The following GALNT14 variants were observed in gnomAD, a reference collection of about 807,000 sequenced individuals.
GALNT14 encodes the protein polypeptide N-acetylgalactosaminyltransferase 14, also known as UDP-GalNAc:polypeptide N-acetylgalactosaminyltransferase 14.
Under a neutral mutation model 77.5 loss-of-function variants are expected in GALNT14, and 60 were observed. The observed-to-expected ratio is 0.77, with a 90% confidence interval of 0.63 to 0.96. GALNT14 has a LOEUF of 0.96. GALNT14 is among the 40% of genes least tolerant of loss of function. The probability of loss-of-function intolerance (pLI) is 0.00; values close to 1 mark genes in which losing one functional copy is unlikely to be tolerated. For synonymous variants in GALNT14, 280 were observed against 281.7 expected, an observed-to-expected ratio of 0.99 and a Z score of 0.06; for missense variants, 710 against 731.0, an observed-to-expected ratio of 0.97 and a Z score of 0.33.
At chr2:30,994,837 C>A (rs921860867) in intron 1 of GALNT14, among the ~76,000 whole-genome samples, 6 of 152,118 alleles carry the variant, frequency 3.9e-5, no homozygotes, top group Non-Finnish European at 8.8e-5. Context: ...AGCTGGAAGG[C>A]CCCTGCTCTC....
At chr2:31,057,348 ATGTGTG>A (rs35039993) in intron 1 of GALNT14, among the ~76,000 whole-genome samples, 150 of 111,922 alleles carry the variant, frequency 1.3e-3, no homozygotes, top group South Asian at 5.8e-3. Context: ...ACGTATATAT[ATGTGTG>A]TGTGTGTGTG....
chr2:30,932,239 C>T, intron 9 of GALNT14, 45 bp from the exon 10 acceptor site: 1 of 1,390,398 alleles, frequency 7.2e-7, no homozygotes, highest in Non-Finnish European at 9.4e-7. Context: ...ATCACTGCTG[C>T]TGCAGCTTTG....
intron 1 of GALNT14, among the ~76,000 whole-genome samples, chr2:31,124,514 T>G (rs1678597609): frequency 6.6e-6 from 1 of 152,216 alleles, no homozygotes; most frequent in Non-Finnish European, 1.5e-5. Flanking sequence ...TTTAGGAACC[T>G]CAACTCCCTC....
intron 1 of GALNT14, chr2:31,129,726 G>A: frequency 1.2e-6 from 1 of 813,458 alleles, no homozygotes. Flanking sequence ...GGGAGGTGGG[G>A]GGTGGGAGGG....
intron 1 of GALNT14, among the ~76,000 whole-genome samples, chr2:31,093,048 C>T (rs1370297708): frequency 6.6e-6 from 1 of 152,116 alleles, no homozygotes; most frequent in Non-Finnish European, 1.5e-5. Context: ...GAGGTTCGTT[C>T]CATCAGGGTC....
intron 1 of GALNT14, among the ~76,000 whole-genome samples, chr2:31,050,243 A>C (rs1197635567): frequency 6.6e-6 from 1 of 152,220 alleles, no homozygotes; most frequent in Non-Finnish European, 1.5e-5. Flanking sequence ...TACTTTCCTT[A>C]ACTAATGCCT....
chr2:30,924,194 C>T lies in GALNT14; in HGVS notation c.1305G>A (p.Arg435=), dbSNP rs1456061517. The part of the protein sequence containing the change: ...RQRQKCLESQ[R]QNNQETPNLK... ...GGTTTGGGGTTTCTTGGTTGTTCTGCCTTTGAGATTCCAGGCACTTCTGTC... is the reference window on the plus strand; with the variant it reads ...GGTTTGGGGTTTCTTGGTTGTTCTGTCTTTGAGATTCCAGGCACTTCTGTC... Residue 435 remains arginine, a synonymous_variant, in exon 13 of 15, where the codon AGG becomes AGA. Transcript: ENST00000349752. 1.2e-6 allele frequency: 2 copies of T among 1,614,172 alleles called. No homozygotes were observed. Among genetic ancestry groups the T allele is most frequent in the East Asian group, 2.2e-5 (1 of 44,886 alleles).
chr2:31,075,557 A>C (rs1393552594), intron 1 of GALNT14, among the ~76,000 whole-genome samples: 1 of 152,212 alleles, frequency 6.6e-6, no homozygotes, highest in Non-Finnish European at 1.5e-5. Context: ...CATTTCTGAG[A>C]AATAGAGAGG....
chr2:31,063,629 G>T (rs1219559209), intron 1 of GALNT14, among the ~76,000 whole-genome samples: 1 of 152,166 alleles, frequency 6.6e-6, no homozygotes, highest in South Asian at 2.1e-4. Flanking sequence ...GAATTGCATT[G>T]AATCTATTAA....
At chr2:31,065,197 T>G (rs1445958126) in intron 1 of GALNT14, 7 of 152,086 alleles carry the variant, frequency 4.6e-5, no homozygotes, top group Non-Finnish European at 1.5e-5. Context: ...AAATATTATG[T>G]GGATGCTTGA....
At chr2:31,045,617 C>G (rs1558521689) in intron 1 of GALNT14, among the ~76,000 whole-genome samples, 2 of 152,208 alleles carry the variant, frequency 1.3e-5, no homozygotes, top group East Asian at 3.9e-4. Context: ...CACCCACAAC[C>G]ACGCCTGGCT....
At chr2:30,904,933 AC>A in the GALNT14 span, among the ~76,000 whole-genome samples, 5 of 151,698 alleles carry the variant, frequency 3.3e-5, no homozygotes, top group African/African-American at 1.2e-4. Flanking sequence ...ACTGGGAGGC[AC>A]CCCCCAGCAG....
At chr2:31,123,088 A>G (rs1025852865) in intron 1 of GALNT14, among the ~76,000 whole-genome samples, 2 of 147,164 alleles carry the variant, frequency 1.4e-5, no homozygotes, top group African/African-American at 2.5e-5. Flanking sequence ...AGGCTGAGGT[A>G]GGAGGACGGC....
intron 3 of GALNT14, among the ~76,000 whole-genome samples, chr2:30,964,072 T>C (rs1007329214): frequency 6.6e-6 from 1 of 152,164 alleles, no homozygotes; most frequent in African/African-American, 2.4e-5. Flanking sequence ...ATGGGGTGCA[T>C]GTGTGTGATG....
At chr2:31,072,323 G>A (rs1050050750) in intron 1 of GALNT14, among the ~76,000 whole-genome samples, 1 of 141,152 alleles carries the variant, frequency 7.1e-6, no homozygotes, top group Non-Finnish European at 1.5e-5. Flanking sequence ...ACACACACAC[G>A]CATGCGGACG....
the GALNT14 span, among the ~76,000 whole-genome samples, chr2:30,899,773 T>C: frequency 6.6e-6 from 1 of 152,196 alleles, no homozygotes; most frequent in Non-Finnish European, 1.5e-5. Context: ...AATGGAAAAG[T>C]GCTCAGAGCT....
At chr2:31,064,622 C>G (rs1573280822) in intron 1 of GALNT14, among the ~76,000 whole-genome samples, 1 of 152,230 alleles carries the variant, frequency 6.6e-6, no homozygotes, top group East Asian at 1.9e-4. Flanking sequence ...ATATACAACA[C>G]AAATATATCG....
At chr2:30,972,802 A>T (rs1054783088) in intron 2 of GALNT14, among the ~76,000 whole-genome samples, 5 of 152,206 alleles carry the variant, frequency 3.3e-5, no homozygotes, top group South Asian at 4.1e-4. Context: ...CGACCTGTCC[A>T]GGAGGGAGGG....
At chr2:30,935,292 T>C (rs1486830180) in intron 9 of GALNT14, among the ~76,000 whole-genome samples, 1 of 152,168 alleles carries the variant, frequency 6.6e-6, no homozygotes, top group East Asian at 1.9e-4. Flanking sequence ...GCCTCCATAC[T>C]GAACATCTTC....
Sources: gnomAD v4.1 joint callset for allele counts (sites outside exome capture counted in the v4.1 genomes callset) on GRCh38, gnomAD v4.1.1 for gene constraint, MANE v1.5 for transcripts, NCBI Gene and HGNC (gene_info 2026-07-23, HGNC 2026-07-21) for gene names.